SNTG1: variants seen among roughly 807,000 people sequenced by gnomAD.
SNTG1 encodes syntrophin gamma 1.
In SNTG1, 39 loss-of-function variants were observed where a neutral mutation model predicts 74.7. That is an observed-to-expected ratio of 0.52 (90% CI 0.40 to 0.68). The LOEUF is 0.68. SNTG1 is among the 30% of genes least tolerant of loss of function. The pLI is 0.00. For missense variants in SNTG1, 685 were observed against 609.5 expected (o/e 1.12, Z -1.30); for synonymous variants, 254 against 217.1 (o/e 1.17, Z -1.49).
intron 2 of SNTG1, among the ~76,000 whole-genome samples, chr8:50,287,218 A>C (rs1286829393): frequency 6.6e-6 from 1 of 152,090 alleles, no homozygotes; most frequent in Non-Finnish European, 1.5e-5. Flanking sequence ...TTACTGCCCC[A>C]ACCATAAATC....
chr8:50,243,982 C>T (rs2086278900), intron 2 of SNTG1, among the ~76,000 whole-genome samples: 2 of 152,042 alleles, frequency 1.3e-5, no homozygotes, highest in South Asian at 4.1e-4. Context: ...AAAGAAATAC[C>T]TGAGACTGGG....
intron 1 of SNTG1, among the ~76,000 whole-genome samples, chr8:50,105,531 C>CTTTTTT (rs1312075131): frequency 6.6e-6 from 1 of 151,496 alleles, no homozygotes; most frequent in Non-Finnish European, 1.5e-5. Flanking sequence ...TCTTTGGGCT[C>CTTTTTT]TTTTTTGTCT....
At chr8:50,035,014 CT>C (rs1818032949) in intron 1 of SNTG1, among the ~76,000 whole-genome samples, 1 of 152,194 alleles carries the variant, frequency 6.6e-6, no homozygotes, top group African/African-American at 2.4e-5. Context: ...TCCAAGTTGT[CT>C]TTCTGGCTGG....
intron 12 of SNTG1, among the ~76,000 whole-genome samples, chr8:50,580,309 G>A (rs2094602113): frequency 6.6e-6 from 1 of 152,158 alleles, no homozygotes. Flanking sequence ...GATTTCACAG[G>A]GTTATAGATG....
At chr8:50,774,321 C>T (rs1300541630) in intron 18 of SNTG1, among the ~76,000 whole-genome samples, 4 of 151,852 alleles carry the variant, frequency 2.6e-5, no homozygotes, top group African/African-American at 7.2e-5. Flanking sequence ...TCATGATTCA[C>T]CAGCAAAAGG....
intron 2 of SNTG1, among the ~76,000 whole-genome samples, chr8:50,283,670 C>A (rs2088601156): frequency 6.6e-6 from 1 of 152,134 alleles, no homozygotes; most frequent in African/African-American, 2.4e-5. Context: ...CTTGAATCAA[C>A]TCTTAACTGA....
intron 1 of SNTG1, among the ~76,000 whole-genome samples, chr8:49,992,960 G>C (rs1299986152): frequency 6.6e-6 from 1 of 152,152 alleles, no homozygotes; most frequent in Admixed American, 6.6e-5. Flanking sequence ...CATATAGATA[G>C]AGGAAGTTGA....
At chr8:50,469,422 T>G (rs545450605) in intron 8 of SNTG1, among the ~76,000 whole-genome samples, 21 of 152,274 alleles carry the variant, frequency 1.4e-4, no homozygotes, top group Middle Eastern at 3.4e-3. Context: ...GCAGTCAGGT[T>G]CTGCCAGCAT....
intron 18 of SNTG1, among the ~76,000 whole-genome samples, chr8:50,781,640 G>C (rs138513428): frequency 2.0e-5 from 3 of 151,932 alleles, no homozygotes; most frequent in Non-Finnish European, 4.4e-5. Flanking sequence ...CACATTGGTG[G>C]GTCTTGACTG....
At chr8:49,968,854 A>C (rs1811385518) in intron 1 of SNTG1, among the ~76,000 whole-genome samples, 3 of 152,142 alleles carry the variant, frequency 2.0e-5, no homozygotes. Context: ...TCCGGATAGA[A>C]CTGGGGATGA....
intron 14 of SNTG1, 51 bp downstream of exon 14, chr8:50,657,076 T>C (rs774841888): frequency 2.2e-5 from 24 of 1,082,622 alleles, no homozygotes; most frequent in African/African-American, 4.9e-5. Flanking sequence ...TCACAAGAGA[T>C]TGACACCAAC....
At chr8:50,236,260 TTG>T (rs747507873) in intron 2 of SNTG1, among the ~76,000 whole-genome samples, 39 of 152,164 alleles carry the variant, frequency 2.6e-4, no homozygotes, top group Non-Finnish European at 5.1e-4. Flanking sequence ...ATAAAATTTT[TTG>T]AATAGAAAAT....
intron 2 of SNTG1, among the ~76,000 whole-genome samples, chr8:50,308,352 T>C (rs2089979569): frequency 6.6e-6 from 1 of 152,066 alleles, no homozygotes; most frequent in Non-Finnish European, 1.5e-5. Context: ...TGCTTCTCTC[T>C]GCTTCCTCCA....
chr8:50,734,565 A>C (rs947963443), intron 17 of SNTG1, among the ~76,000 whole-genome samples: 1 of 149,916 alleles, frequency 6.7e-6, no homozygotes, highest in African/African-American at 2.4e-5. Flanking sequence ...CTTTGAATGG[A>C]TTTTGAACTA....
At chr8:50,606,543 C>A (rs1247695204) in intron 13 of SNTG1, among the ~76,000 whole-genome samples, 2 of 151,748 alleles carry the variant, frequency 1.3e-5, no homozygotes, top group African/African-American at 4.8e-5. Flanking sequence ...ATTTTGAATT[C>A]TTTATTTCAT....
chr8:50,614,623 C>T (rs919430274), intron 13 of SNTG1, among the ~76,000 whole-genome samples: 5 of 152,068 alleles, frequency 3.3e-5, no homozygotes, highest in Admixed American at 6.5e-5. Context: ...ATTATACAAT[C>T]ATACCCACAG....
intron 11 of SNTG1, among the ~76,000 whole-genome samples, chr8:50,546,597 T>G (rs995224159): frequency 1.3e-5 from 2 of 149,898 alleles, no homozygotes; most frequent in African/African-American, 4.9e-5. Flanking sequence ...GTGTTCTCAT[T>G]GTTCAGTTCC....
intron 11 of SNTG1, among the ~76,000 whole-genome samples, chr8:50,539,494 A>T (rs189280934): frequency 6.6e-6 from 1 of 152,278 alleles, no homozygotes; most frequent in East Asian, 1.9e-4. Flanking sequence ...TTCTACTGAC[A>T]TAAGGAAGGA....
intron 15 of SNTG1, among the ~76,000 whole-genome samples, chr8:50,671,244 G>A (rs2095280733): frequency 1.3e-5 from 2 of 151,810 alleles, no homozygotes; most frequent in Non-Finnish European, 1.5e-5. Flanking sequence ...ACTACCATCT[G>A]AGTGAACAGG....
Sources: gnomAD v4.1 joint callset for allele counts (sites outside exome capture counted in the v4.1 genomes callset) on GRCh38, gnomAD v4.1.1 for gene constraint, MANE v1.5 for transcripts, NCBI Gene and HGNC (gene_info 2026-07-23, HGNC 2026-07-21) for gene names.